Variants in FSTL4 observed in about 807,000 individuals in gnomAD.
FSTL4 encodes follistatin like 4.
Under a neutral mutation model 78.2 loss-of-function variants are expected in FSTL4, and 28 were observed. The observed-to-expected ratio is 0.36, with a 90% CI of 0.27 to 0.49. The LOEUF (loss-of-function observed/expected upper bound fraction) is 0.49, where lower values mean the gene tolerates loss of function less well. FSTL4 is among the 20% of genes least tolerant of loss of function. The pLI, the probability that FSTL4 is intolerant of heterozygous loss-of-function variation, is 0.98. For synonymous variants in FSTL4, 422 were observed against 440.5 expected, an observed-to-expected ratio of 0.96 and a Z score of 0.53; for missense variants, 922 against 1,084.9, an observed-to-expected ratio of 0.85 and a Z score of 2.11.
chr5:133,555,532 C>A (rs1335035529), intron 3 of FSTL4, among the ~76,000 whole-genome samples: 1 of 152,138 alleles, frequency 6.6e-6, no homozygotes, highest in African/African-American at 2.4e-5. Flanking sequence ...AATGAGAGGA[C>A]AAATGGGAAA....
the FSTL4 span, among the ~76,000 whole-genome samples, chr5:133,812,872 T>C: frequency 1.3e-5 from 2 of 152,232 alleles, no homozygotes; most frequent in Non-Finnish European, 2.9e-5. Context: ...TGTTGAATAT[T>C]TCCCAACTCT....
At chr5:133,789,232 T>C in the FSTL4 span, among the ~76,000 whole-genome samples, 2 of 152,162 alleles carry the variant, frequency 1.3e-5, no homozygotes, top group African/African-American at 4.8e-5. Flanking sequence ...ATGTTCTAAA[T>C]CTGCATCCGA....
chr5:133,394,654 G>A (rs114900024), intron 4 of FSTL4, among the ~76,000 whole-genome samples: 1,803 of 152,324 alleles, frequency 0.012, 14 homozygotes, highest in Non-Finnish European at 0.019. Flanking sequence ...GGGCTCCTGC[G>A]TGGCCCGAGC....
chr5:133,581,259 T>A (rs1760399030), intron 2 of FSTL4, among the ~76,000 whole-genome samples: 1 of 152,206 alleles, frequency 6.6e-6, no homozygotes, highest in South Asian at 2.1e-4. Flanking sequence ...TCAGCAGAGC[T>A]AGATTGGTGT....
chr5:133,219,618 G>C (rs1465060125), intron 12 of FSTL4, among the ~76,000 whole-genome samples: 1 of 152,196 alleles, frequency 6.6e-6, no homozygotes, highest in African/African-American at 2.4e-5. Context: ...TTAGGTGTTT[G>C]AGCATTTTCT....
intron 7 of FSTL4, among the ~76,000 whole-genome samples, chr5:133,242,538 T>C (rs1240780606): frequency 6.6e-6 from 1 of 151,968 alleles, no homozygotes; most frequent in East Asian, 1.9e-4. Context: ...GGGCTTCCCC[T>C]AAGGCTTTCC....
chr5:133,240,351 A>G (rs943830842), intron 7 of FSTL4, among the ~76,000 whole-genome samples: 2 of 152,220 alleles, frequency 1.3e-5, no homozygotes, highest in Non-Finnish European at 2.9e-5. Context: ...CCTTTTTCTC[A>G]GAGTCCTCTC....
At chr5:133,652,373 T>TA in the FSTL4 span, among the ~76,000 whole-genome samples, 1 of 152,174 alleles carries the variant, frequency 6.6e-6, no homozygotes, top group African/African-American at 2.4e-5. Flanking sequence ...TCCTTTCTAA[T>TA]ATATGCATTC....
At chr5:133,544,778 C>T (rs978850754) in intron 3 of FSTL4, among the ~76,000 whole-genome samples, 1 of 152,144 alleles carries the variant, frequency 6.6e-6, no homozygotes, top group Non-Finnish European at 1.5e-5. Context: ...TCTTTGGTCC[C>T]GGACTAAATC....
chr5:133,735,581 G>A, the FSTL4 span, among the ~76,000 whole-genome samples: 10 of 152,026 alleles, frequency 6.6e-5, no homozygotes, highest in East Asian at 1.9e-4. Context: ...ATTTTTAATC[G>A]CTGCGGCTGC....
intron 3 of FSTL4, among the ~76,000 whole-genome samples, chr5:133,560,402 C>T (rs994717513): frequency 1.3e-5 from 2 of 152,186 alleles, no homozygotes; most frequent in Non-Finnish European, 2.9e-5. Flanking sequence ...TTAAGTCTCA[C>T]TCTATCTCCC....
intron 7 of FSTL4, among the ~76,000 whole-genome samples, chr5:133,233,779 T>C (rs1488348782): frequency 6.6e-6 from 1 of 152,112 alleles, no homozygotes; most frequent in Non-Finnish European, 1.5e-5. Context: ...TGGCCCCTCC[T>C]CCACGAGGCC....
At chr5:133,597,285 A>G (rs1291788907) in intron 2 of FSTL4, among the ~76,000 whole-genome samples, 1 of 152,170 alleles carries the variant, frequency 6.6e-6, no homozygotes, top group East Asian at 1.9e-4. Flanking sequence ...CACAAGGACG[A>G]CATTTACTTC....
At chr5:133,688,118 G>T in the FSTL4 span, among the ~76,000 whole-genome samples, 5 of 152,190 alleles carry the variant, frequency 3.3e-5, no homozygotes, top group Non-Finnish European at 7.3e-5. Context: ...CTAAAAATTG[G>T]TGGTTCTAGG....
At chr5:133,383,862 G>T (rs548065744) in intron 4 of FSTL4, among the ~76,000 whole-genome samples, 1 of 152,314 alleles carries the variant, frequency 6.6e-6, no homozygotes, top group South Asian at 2.1e-4. Flanking sequence ...CTAATCAGCA[G>T]CCTCTGTGCT....
At chr5:133,759,727 T>C in the FSTL4 span, among the ~76,000 whole-genome samples, 51 of 152,254 alleles carry the variant, frequency 3.3e-4, no homozygotes, top group Admixed American at 3.0e-3. Context: ...CGTGGGATAT[T>C]TTAGATTTTT....
the FSTL4 span, among the ~76,000 whole-genome samples, chr5:133,628,411 G>C: frequency 6.6e-6 from 1 of 150,580 alleles, no homozygotes; most frequent in African/African-American, 2.5e-5. Flanking sequence ...CCAGGCTGGA[G>C]TGCAATGGCA....
At chr5:133,524,875 G>T (rs1580765663) in intron 3 of FSTL4, among the ~76,000 whole-genome samples, 1 of 152,166 alleles carries the variant, frequency 6.6e-6, no homozygotes, top group East Asian at 1.9e-4. Flanking sequence ...TAGGTTTCAG[G>T]ACTGAATTTG....
the FSTL4 span, among the ~76,000 whole-genome samples, chr5:133,770,616 T>C: frequency 6.6e-6 from 1 of 152,232 alleles, no homozygotes; most frequent in Non-Finnish European, 1.5e-5. Flanking sequence ...TCCTAGATAT[T>C]AGCCCTTTGT....
Sources: allele counts gnomAD v4.1 joint callset (sites outside exome capture counted in the v4.1 genomes callset), GRCh38; gene constraint gnomAD v4.1.1; transcripts MANE v1.5; gene names NCBI Gene and HGNC (gene_info 2026-07-23, HGNC 2026-07-21).